MGAT5: variants seen among roughly 807,000 people sequenced by gnomAD.
MGAT5 encodes alpha-1,6-mannosylglycoprotein 6-beta-N-acetylglucosaminyltransferase.
A neutral mutation model predicts 94.3 loss-of-function variants in MGAT5; 30 were observed. The ratio of observed to expected loss-of-function variants is 0.32; its 90% CI spans 0.24 to 0.43. The LOEUF is 0.43. Among genes scored for constraint, MGAT5 ranks in the 20% least tolerant of loss-of-function variants. The pLI is 1.00. For missense variants in MGAT5, 691 were observed against 905.5 expected, an observed-to-expected ratio of 0.76 and a Z score of 3.04; for synonymous variants, 310 against 322.9, an observed-to-expected ratio of 0.96 and a Z score of 0.43.
chr2:134,321,778 A>G (rs1290440818), intron 4 of MGAT5, among the ~76,000 whole-genome samples: 1 of 152,186 alleles, frequency 6.6e-6, no homozygotes, highest in East Asian at 1.9e-4. Context: ...ATGAAAACAC[A>G]TTTTCTTGAC....
At chr2:134,184,788 T>C (rs1205616461) in intron 1 of MGAT5, among the ~76,000 whole-genome samples, 1 of 152,268 alleles carries the variant, frequency 6.6e-6, no homozygotes, top group African/African-American at 2.4e-5. Context: ...GCAGAGAGCA[T>C]GACTGTTCAC....
In MGAT5 at chr2:134,254,632, A is replaced by G. The variant is rs779501051; in HGVS notation, c.229A>G (p.Met77Val). Residue 77 changes from methionine (M) to valine (V), a missense_variant, in exon 1 of 16, where the codon ATG (methionine) becomes GTG (valine). By Grantham distance (21) the Met-to-Val change is conservative. Transcript: ENST00000281923. ...NVVDGPYAGV[M>V]TAYDLKKTLA... Reference sequence around the variant, plus strand: ...GGTGGATGGGCCATACGCTGGAGTCATGACAGCTTATGGTAAGCACTGTTT... The same window carrying G: ...GGTGGATGGGCCATACGCTGGAGTCGTGACAGCTTATGGTAAGCACTGTTT... The G allele has an allele frequency of 4.3e-6, 7 of 1,614,234 alleles. No homozygotes were observed. The highest frequency in any genetic ancestry group is 5.9e-6 in the Non-Finnish European group (7 of 1,180,028).
chr2:134,351,545 A>G (rs1679386995), intron 9 of MGAT5, among the ~76,000 whole-genome samples: 1 of 152,140 alleles, frequency 6.6e-6, no homozygotes, highest in Non-Finnish European at 1.5e-5. Context: ...CTGCAAACCT[A>G]TTTTGTTCTC....
At chr2:134,127,636 T>C (rs1488260322) in intron 1 of MGAT5, among the ~76,000 whole-genome samples, 1 of 151,966 alleles carries the variant, frequency 6.6e-6, no homozygotes, top group Non-Finnish European at 1.5e-5. Flanking sequence ...CGAGATGAGC[T>C]GTCCAGGCAG....
chr2:134,161,230 A>C (rs566783552), intron 1 of MGAT5, among the ~76,000 whole-genome samples: 15 of 152,216 alleles, frequency 9.9e-5, no homozygotes, highest in Non-Finnish European at 1.9e-4. Flanking sequence ...CCTTGCATTG[A>C]TAACTGAGCA....
Position 134,339,032 on chromosome 2 carries a change from A to G in MGAT5, c.807+612A>G, listed in dbSNP as rs116745842. 4.6e-3 allele frequency among the ~76,000 whole-genome samples: 704 copies of G among 152,318 alleles called. 5 individuals carry two copies. The highest frequency in any genetic ancestry group is 0.012 in the South Asian group (58 of 4,830). ...TCTGTTCTGATTTCAGAACTGAGCA[A>G]AGTGAGTAATTTGCTCCCACATCTA... On this transcript the variant is annotated intron_variant, in intron 6 of 15. Coordinates refer to ENST00000281923, the MANE Select transcript of MGAT5 (RefSeq NM_002410.5).
chr2:134,275,047 G>C (rs934003680), intron 2 of MGAT5, among the ~76,000 whole-genome samples: 1 of 152,106 alleles, frequency 6.6e-6, no homozygotes. Flanking sequence ...AAATTTAGTT[G>C]TACCTGTGCT....
chr2:134,299,383 G>T (rs575814786), intron 2 of MGAT5, among the ~76,000 whole-genome samples: 1 of 152,176 alleles, frequency 6.6e-6, no homozygotes, highest in African/African-American at 2.4e-5. Flanking sequence ...GTACCTGTGC[G>T]AGCTGGAGTA....
In MGAT5 at chr2:134,208,142, CT is replaced by C. The variant is rs202005313; in HGVS notation, c.-142-46107del. On this transcript the variant is annotated intron_variant, in intron 1 of 16. Transcript: ENST00000409645. ...CAGAGTTTTCAGACTCTTGGCCGAACTTTTTTTTTTTTTAAGCAGACCAGTA... is the reference window on the plus strand; with the variant it reads ...CAGAGTTTTCAGACTCTTGGCCGAACTTTTTTTTTTTTAAGCAGACCAGTA... Among the ~76,000 whole-genome samples, 409 of 144,958 alleles carry C rather than the reference CT, an allele frequency of 2.8e-3. 1 individual carries two copies. Among genetic ancestry groups the C allele is most frequent in the Admixed American group, 5.7e-3 (83 of 14,510 alleles).
intron 1 of MGAT5, among the ~76,000 whole-genome samples, chr2:134,261,133 A>T (rs1169677460): frequency 6.6e-6 from 1 of 152,188 alleles, no homozygotes; most frequent in Admixed American, 6.5e-5. Flanking sequence ...CCCCTCAGTC[A>T]TTAAGACCCT....
chr2:134,448,546 T>C, intron 15 of MGAT5, 103 bp from the exon 16 acceptor site: 1 of 1,057,368 alleles, frequency 9.5e-7, no homozygotes, highest in Admixed American at 1.7e-5. Context: ...ACAAGACAAC[T>C]GAACATCCCC....
chr2:134,317,965 A>G (rs1448442725), intron 3 of MGAT5, among the ~76,000 whole-genome samples: 3 of 152,190 alleles, frequency 2.0e-5, no homozygotes, highest in Non-Finnish European at 4.4e-5. Context: ...ACTCCCCACC[A>G]TCTCAGTCCC....
chr2:134,321,586 A>C (rs1342260501), intron 4 of MGAT5, among the ~76,000 whole-genome samples: 2 of 152,198 alleles, frequency 1.3e-5, no homozygotes, highest in Non-Finnish European at 2.9e-5. Flanking sequence ...ATCACATATC[A>C]CTTGCTATCT....
chr2:134,259,931 T>C (rs1426096085), intron 1 of MGAT5, among the ~76,000 whole-genome samples: 5 of 152,142 alleles, frequency 3.3e-5, no homozygotes, highest in African/African-American at 9.7e-5. Flanking sequence ...GTTTAAAATA[T>C]CTGAGGGGCT....
intron 15 of MGAT5, 45 bp downstream of exon 15, chr2:134,441,960 A>G: frequency 6.3e-7 from 1 of 1,597,312 alleles, no homozygotes; most frequent in Non-Finnish European, 8.6e-7. Context: ...CCTAGACTCC[A>G]GCTGGCCTTG....
At chr2:134,424,289 C>A (rs1684458746) in intron 13 of MGAT5, among the ~76,000 whole-genome samples, 2 of 152,180 alleles carry the variant, frequency 1.3e-5, no homozygotes, top group African/African-American at 4.8e-5. Context: ...CAGTTTGTGG[C>A]CCACTGAACT....
chr2:134,318,212 T>G (rs1687114040), intron 3 of MGAT5, among the ~76,000 whole-genome samples: 1 of 152,144 alleles, frequency 6.6e-6, no homozygotes, highest in Admixed American at 6.5e-5. Flanking sequence ...TTGGGTGGTA[T>G]CCATGTGGGC....
At position 134,415,906 on chromosome 2, in the gene MGAT5, G is replaced by A. The variant is rs547421638; in HGVS notation, c.1677+2891G>A. Among the ~76,000 whole-genome samples the A allele has an allele frequency of 2.2e-4, 34 of 152,194 alleles. No individual in the cohort carries two copies. In the East Asian group the frequency reaches 6.0e-3, roughly 27 times the overall value. On this transcript the variant is annotated intron_variant, in intron 12 of 15. Coordinates refer to ENST00000281923, the MANE Select transcript of MGAT5 (RefSeq NM_002410.5). ...TCCATTGTGTATTCTTGTCAGCGTC[G>A]TTGGGAATCAGTTCTTTTCTGGTTT...
intron 14 of MGAT5, among the ~76,000 whole-genome samples, chr2:134,441,164 C>A (rs971286736): frequency 3.9e-5 from 6 of 152,188 alleles, no homozygotes; most frequent in African/African-American, 1.2e-4. Context: ...AGCACTAAGT[C>A]CCTACCAAAG....
Sources: gnomAD v4.1 joint callset for allele counts (sites outside exome capture counted in the v4.1 genomes callset) on GRCh38, gnomAD v4.1.1 for gene constraint, MANE v1.5 for transcripts, NCBI Gene and HGNC (gene_info 2026-07-23, HGNC 2026-07-21) for gene names.